Variants in MREG observed in about 807,000 individuals in gnomAD.
MREG encodes melanoregulin, also known as dilute suppressor protein homolog.
Under a neutral mutation model 28.5 loss-of-function variants are expected in MREG, and 31 were observed. That is an observed-to-expected ratio of 1.09 (90% CI 0.82 to 1.47). The LOEUF is 1.47. Ranked by LOEUF, MREG falls within the 40% of genes most tolerant of loss-of-function variation. The pLI is 0.00. For synonymous variants in MREG, 106 were observed against 95.2 expected, an observed-to-expected ratio of 1.11 and a Z score of -0.66; for missense variants, 256 against 257.4, an observed-to-expected ratio of 0.99 and a Z score of 0.04.
intron 1 of MREG, among the ~76,000 whole-genome samples, chr2:216,008,173 G>A (rs910294805): frequency 2.6e-5 from 4 of 152,002 alleles, no homozygotes; most frequent in African/African-American, 9.7e-5. Context: ...CACGCCGCTT[G>A]GGGCAGAGAC....
At chr2:215,950,917 C>G (rs1335614909) in intron 2 of MREG, among the ~76,000 whole-genome samples, 1 of 152,142 alleles carries the variant, frequency 6.6e-6, no homozygotes, top group African/African-American at 2.4e-5. Flanking sequence ...TGGTTTAGCA[C>G]CATCCACCTG....
At chr2:216,007,749 T>TTTG (rs754556397) in intron 1 of MREG, among the ~76,000 whole-genome samples, 15 of 150,526 alleles carry the variant, frequency 1.0e-4, no homozygotes, top group Non-Finnish European at 1.9e-4. Flanking sequence ...CGGCTTTTTT[T>TTTG]TTGCATTTTT....
At chr2:215,984,546 T>C (rs970946062) in intron 2 of MREG, among the ~76,000 whole-genome samples, 3 of 110,148 alleles carry the variant, frequency 2.7e-5, no homozygotes, top group Non-Finnish European at 5.7e-5. Flanking sequence ...AAAAAAAAAT[T>C]AAGGCTTTTT....
intron 2 of MREG, among the ~76,000 whole-genome samples, chr2:215,993,467 C>G (rs548767058): frequency 6.6e-6 from 1 of 152,200 alleles, no homozygotes; most frequent in Admixed American, 6.5e-5. Context: ...CCATAAAAAC[C>G]CTAGGAGAAA....
intron 1 of MREG, among the ~76,000 whole-genome samples, chr2:216,002,298 A>G (rs1694036019): frequency 6.6e-6 from 1 of 152,182 alleles, no homozygotes; most frequent in Admixed American, 6.5e-5. Context: ...TGTAAGTACT[A>G]ACTTCTGCCT....
At chr2:216,015,204 T>G (rs759264332), upstream of MREG, among the ~76,000 whole-genome samples, 3 of 152,042 alleles carry the variant, frequency 2.0e-5, no homozygotes, top group African/African-American at 4.8e-5. Context: ...CGTGTGCGTG[T>G]GTGTGTTGGG....
At chr2:215,984,925 A>T (rs2059909) in intron 2 of MREG, among the ~76,000 whole-genome samples, 4,759 of 152,298 alleles carry the variant, frequency 0.031, 115 homozygotes, top group East Asian at 0.095. Context: ...ATACATTTTG[A>T]AATCTATATT....
intron 2 of MREG, among the ~76,000 whole-genome samples, chr2:215,965,236 T>G (rs186686601): frequency 6.6e-6 from 1 of 152,360 alleles, no homozygotes; most frequent in Admixed American, 6.5e-5. Context: ...TTTTGTTAAA[T>G]TGAAAATCCT....
chr2:215,976,218 G>C (rs916241393), intron 2 of MREG, among the ~76,000 whole-genome samples: 1 of 152,044 alleles, frequency 6.6e-6, no homozygotes, highest in African/African-American at 2.4e-5. Context: ...ACAATTTCTT[G>C]AAACTCTACC....
At position 216,013,442 on chromosome 2, in the gene MREG, C is replaced by T. The variant is rs1478765066; in HGVS notation, c.-115G>A. On this transcript the variant is annotated 5_prime_UTR_variant, in exon 1 of 5. Transcript: ENST00000263268. ...GTCCAGGTGCGGGGACAGCGGCAGC[C>T]CGGGCGTCGCGGGCTGGTCCGCGCG... is the stretch of plus-strand genomic sequence containing the variant. 2 of 605,582 alleles carry T rather than the reference C, an allele frequency of 3.3e-6. No homozygotes were observed. The highest frequency in any genetic ancestry group is 4.6e-6 in the Non-Finnish European group (2 of 439,168). 37.5% of individuals were successfully genotyped at this position (605,582 alleles called of 1,614,324 possible).
chr2:215,967,851 T>C (rs1692987341), intron 2 of MREG, among the ~76,000 whole-genome samples: 1 of 152,146 alleles, frequency 6.6e-6, no homozygotes, highest in African/African-American at 2.4e-5. Flanking sequence ...GTCCTAAGTG[T>C]GAAGGGAAAT....
intron 2 of MREG, among the ~76,000 whole-genome samples, chr2:215,984,029 A>T (rs1437621683): frequency 6.6e-6 from 1 of 152,186 alleles, no homozygotes; most frequent in African/African-American, 2.4e-5. Context: ...AGACTGAGAA[A>T]TTTACAAAAG....
At position 215,944,053 on chromosome 2, in the gene MREG, C is replaced by G. The variant is rs945992967; in HGVS notation, c.*810G>C. ...GGAGTGCAATGGTGCAATCTCGGCT[C>G]ACTGTAACCTCCACTGCCCGGGCTC... On this transcript the variant is annotated 3_prime_UTR_variant, in exon 5 of 5. Transcript: ENST00000263268. 7.8e-6 allele frequency: 1 copy of G among 128,636 alleles called. No individual in the cohort carries two copies. Among genetic ancestry groups the G allele is most frequent in the African/African-American group, 3.0e-5 (1 of 33,536 alleles). The allele number at this position is 128,636 out of a possible 1,614,324, so 8.0% of individuals were successfully genotyped here. A position where few individuals can be genotyped will look rare whatever the true frequency, so the allele number is the denominator to read the frequency against.
Position 215,996,317 on chromosome 2 carries a change from T to C in MREG, c.244A>G (p.Lys82Glu). The change falls in exon 2 of 5, where the codon AAA becomes GAA. Residue 82 changes from lysine (K) to glutamate (E), a missense_variant. Lys to Glu is a moderately conservative substitution (Grantham distance 56, BLOSUM62 1). Transcript: ENST00000263268. The part of the protein sequence containing the change: ...NLIVIRNQQA[K>E]DSEEWQKLNY... ...CAAAAGGTGCTCACCTCTGAGTCTTTGGCCTGCTGATTACGAATGACTATC... is the reference window on the plus strand; with the variant it reads ...CAAAAGGTGCTCACCTCTGAGTCTTCGGCCTGCTGATTACGAATGACTATC... 1 of 1,613,666 alleles carries C rather than the reference T, an allele frequency of 6.2e-7. No individual in the cohort carries two copies. The highest frequency in any genetic ancestry group is 8.5e-7 in the Non-Finnish European group (1 of 1,179,810).
intron 2 of MREG, among the ~76,000 whole-genome samples, chr2:215,965,930 T>C (rs1309125711): frequency 6.6e-6 from 1 of 152,182 alleles, no homozygotes; most frequent in Non-Finnish European, 1.5e-5. Context: ...AGGAAAAACC[T>C]TGTCTACTGA....
At chr2:216,000,078 A>G (rs1419523813) in intron 1 of MREG, among the ~76,000 whole-genome samples, 3 of 152,358 alleles carry the variant, frequency 2.0e-5, no homozygotes, top group South Asian at 2.1e-4. Flanking sequence ...TCTGCAGCCA[A>G]TGATATGCAA....
At chr2:216,000,846 T>C (rs1693997448) in intron 1 of MREG, among the ~76,000 whole-genome samples, 1 of 152,242 alleles carries the variant, frequency 6.6e-6, no homozygotes, top group African/African-American at 2.4e-5. Context: ...AGTATGTACC[T>C]GAAAAATCAG....
intron 2 of MREG, among the ~76,000 whole-genome samples, chr2:215,965,647 T>C (rs1692919999): frequency 6.6e-6 from 1 of 152,236 alleles, no homozygotes; most frequent in Non-Finnish European, 1.5e-5. Context: ...CCATGAACCC[T>C]ACCTTACATT....
At chr2:215,941,157 G>T (rs1473361593), downstream of MREG, among the ~76,000 whole-genome samples, 1 of 152,148 alleles carries the variant, frequency 6.6e-6, no homozygotes, top group African/African-American at 2.4e-5. Flanking sequence ...CTTCCACATG[G>T]CTTTCCCTTT....
Sources: allele counts gnomAD v4.1 joint callset (sites outside exome capture counted in the v4.1 genomes callset), GRCh38; gene constraint gnomAD v4.1.1; transcripts MANE v1.5; gene names NCBI Gene and HGNC (gene_info 2026-07-23, HGNC 2026-07-21).